Variants in PDE4D observed in about 807,000 individuals in gnomAD.
PDE4D encodes 3',5'-cyclic-AMP phosphodiesterase 4D.
In PDE4D, 24 loss-of-function variants were observed where a neutral mutation model predicts 87.4. The observed-to-expected ratio is 0.27, with a 90% CI of 0.20 to 0.39. The LOEUF is 0.39. PDE4D is among the 10% of genes least tolerant of loss of function. The probability of loss-of-function intolerance (pLI) is 1.00; values close to 1 mark genes in which losing one functional copy is unlikely to be tolerated. For synonymous variants in PDE4D, 384 were observed against 383.2 expected (o/e 1.00, Z -0.02); for missense variants, 714 against 1,041.0 (o/e 0.69, Z 4.32).
chr5:60,121,200 T>C (rs1160799447), intron 2 of PDE4D, among the ~76,000 whole-genome samples: 1 of 151,570 alleles, frequency 6.6e-6, no homozygotes, highest in Non-Finnish European at 1.5e-5. Context: ...ATAGGAGATA[T>C]ATATATATAT....
intron 1 of PDE4D, among the ~76,000 whole-genome samples, chr5:59,394,326 A>G (rs1283455679): frequency 1.3e-5 from 2 of 152,234 alleles, no homozygotes; most frequent in African/African-American, 4.8e-5. Flanking sequence ...ATCTCTATAC[A>G]TAATAGGCAA....
intron 1 of PDE4D, among the ~76,000 whole-genome samples, chr5:59,300,916 C>T (rs904454567): frequency 6.6e-6 from 1 of 152,048 alleles, no homozygotes; most frequent in African/African-American, 2.4e-5. Context: ...CTCACAGAAC[C>T]CAGGGGAACA....
At chr5:59,035,765 C>G (rs1477329514) in intron 6 of PDE4D, among the ~76,000 whole-genome samples, 1 of 152,146 alleles carries the variant, frequency 6.6e-6, no homozygotes, top group African/African-American at 2.4e-5. Flanking sequence ...TGCCTGCCTC[C>G]AAAGCTTTGA....
chr5:60,455,730 A>T (rs1014788009), intron 1 of PDE4D, among the ~76,000 whole-genome samples: 11 of 152,190 alleles, frequency 7.2e-5, no homozygotes, highest in African/African-American at 2.7e-4. Context: ...ATGTCTCTGG[A>T]GAACAGTCAC....
intron 2 of PDE4D, among the ~76,000 whole-genome samples, chr5:60,152,595 G>A (rs1466840488): frequency 6.6e-6 from 1 of 151,100 alleles, no homozygotes; most frequent in African/African-American, 2.4e-5. Flanking sequence ...AGAGCTTGCA[G>A]TGAGCCGAGA....
intron 1 of PDE4D, among the ~76,000 whole-genome samples, chr5:59,793,177 A>C (rs563016727): frequency 1.2e-4 from 19 of 152,296 alleles, no homozygotes; most frequent in African/African-American, 4.6e-4. Context: ...ACACACTCAG[A>C]GGCAGAATGA....
chr5:59,376,952 T>C lies in PDE4D; in HGVS notation c.456-160984A>G, dbSNP rs1784830160. On this transcript the variant is annotated intron_variant, in intron 1 of 14. Coordinates refer to ENST00000340635, the MANE Select transcript of PDE4D (RefSeq NM_001104631.2). ...ATTGGAGAAAAGATTCCCTATTCAA[T>C]AAATGATGCTGAGATAGCTGGCTAA... 4.6e-5 allele frequency among the ~76,000 whole-genome samples: 7 copies of C among 152,186 alleles called. No homozygotes were observed. The South Asian group carries it at 1.2e-3, about 27-fold the overall frequency.
At chr5:59,149,732 G>A (rs906594112) in intron 5 of PDE4D, among the ~76,000 whole-genome samples, 13 of 31,030 alleles carry the variant, frequency 4.2e-4, no homozygotes, top group African/African-American at 1.1e-3. Flanking sequence ...TTTTTTTTTC[G>A]GTCAACAGAT....
chr5:59,246,601 G>A (rs908294492), intron 1 of PDE4D, among the ~76,000 whole-genome samples: 42 of 152,168 alleles, frequency 2.8e-4, no homozygotes, highest in Admixed American at 8.5e-4. Context: ...AATCTTATGC[G>A]ATACTTTCAA....
At chr5:59,630,300 T>G (rs1413115439) in intron 1 of PDE4D, among the ~76,000 whole-genome samples, 1 of 152,224 alleles carries the variant, frequency 6.6e-6, no homozygotes, top group Non-Finnish European at 1.5e-5. Context: ...CTACCTTCCC[T>G]TGTATTTTAC....
intron 1 of PDE4D, among the ~76,000 whole-genome samples, chr5:59,603,623 G>A (rs1015989439): frequency 2.0e-5 from 3 of 151,936 alleles, no homozygotes; most frequent in African/African-American, 7.2e-5. Flanking sequence ...ACTACCATAT[G>A]ATCCAGCAAT....
At chr5:60,510,808 G>A (rs891328556) in intron 1 of PDE4D, among the ~76,000 whole-genome samples, 2 of 152,184 alleles carry the variant, frequency 1.3e-5, no homozygotes, top group African/African-American at 2.4e-5. Flanking sequence ...TAAGTGGTAA[G>A]GCAGCTACTG....
At chr5:59,757,032 A>T (rs138794123) in intron 1 of PDE4D, among the ~76,000 whole-genome samples, 2,985 of 152,124 alleles carry the variant, frequency 0.02, 111 homozygotes, top group African/African-American at 0.068. Flanking sequence ...TCCTGACCTC[A>T]AGTGATCCAC....
chr5:59,216,489 A>G (rs989868645), intron 1 of PDE4D, among the ~76,000 whole-genome samples: 1 of 152,068 alleles, frequency 6.6e-6, no homozygotes, highest in Admixed American at 6.6e-5. Flanking sequence ...TTTCACCTAT[A>G]TTATTATAAC....
At chr5:59,775,241 G>T (rs1763961339) in intron 1 of PDE4D, among the ~76,000 whole-genome samples, 1 of 151,906 alleles carries the variant, frequency 6.6e-6, no homozygotes, top group Admixed American at 6.6e-5. Context: ...CTATATTTCT[G>T]GGTTTTATTT....
chr5:59,126,109 G>A (rs11378522), intron 5 of PDE4D, among the ~76,000 whole-genome samples: 75 of 67,470 alleles, frequency 1.1e-3, no homozygotes, highest in South Asian at 8.5e-3. Flanking sequence ...AAAAAAAAAA[G>A]AGAGAGAGAG....
chr5:60,274,339 CGTTGTTGTT>C (rs34740331), intron 1 of PDE4D, among the ~76,000 whole-genome samples: 2,297 of 150,256 alleles, frequency 0.015, 63 homozygotes, highest in African/African-American at 0.054. Flanking sequence ...TGGTTCTTGT[CGTTGTTGTT>C]GTTGTTGTTG....
At chr5:59,977,097 G>T (rs940509874) in intron 3 of PDE4D, among the ~76,000 whole-genome samples, 1 of 152,182 alleles carries the variant, frequency 6.6e-6, no homozygotes, top group African/African-American at 2.4e-5. Context: ...GAAAGGAAGA[G>T]TTACAGGTCT....
intron 1 of PDE4D, among the ~76,000 whole-genome samples, chr5:60,487,244 A>G (rs958392348): frequency 2.6e-5 from 4 of 152,182 alleles, no homozygotes; most frequent in Admixed American, 6.5e-5. Context: ...CTCCAATCAC[A>G]AATTCCAATC....
Sources: allele counts gnomAD v4.1 joint callset (sites outside exome capture counted in the v4.1 genomes callset), GRCh38; gene constraint gnomAD v4.1.1; transcripts MANE v1.5; gene names NCBI Gene and HGNC (gene_info 2026-07-23, HGNC 2026-07-21).